The following CNTLN variants were observed in gnomAD, a reference collection of about 807,000 sequenced individuals.
CNTLN encodes the protein centlein, centrosomal protein.
A neutral mutation model predicts 180.0 loss-of-function variants in CNTLN; 212 were observed. The observed-to-expected ratio is 1.18, with a 90% CI of 1.05 to 1.32. The LOEUF (loss-of-function observed/expected upper bound fraction) is 1.32, where lower values mean the gene tolerates loss of function less well. Ranked by LOEUF, CNTLN falls within the 40% of genes most tolerant of loss-of-function variation. CNTLN has a pLI of 0.00. For missense variants in CNTLN, 2,095 were observed against 1,610.9 expected, an observed-to-expected ratio of 1.30 and a Z score of -5.14; for synonymous variants, 722 against 563.1, an observed-to-expected ratio of 1.28 and a Z score of -3.99.
chr9:17,410,625 T>C (rs1827773788), intron 16 of CNTLN, among the ~76,000 whole-genome samples: 1 of 152,192 alleles, frequency 6.6e-6, no homozygotes, highest in Non-Finnish European at 1.5e-5. Flanking sequence ...AATGTAGATA[T>C]ATCCTATGCT....
chr9:17,207,055 A>G (rs1822974566), intron 2 of CNTLN, among the ~76,000 whole-genome samples: 1 of 152,068 alleles, frequency 6.6e-6, no homozygotes, highest in Non-Finnish European at 1.5e-5. Context: ...TGAATCCGCC[A>G]CAGTCTGGTG....
intron 5 of CNTLN, among the ~76,000 whole-genome samples, chr9:17,262,848 T>C (rs1003445266): frequency 6.6e-6 from 1 of 151,374 alleles, no homozygotes; most frequent in African/African-American, 2.5e-5. Flanking sequence ...TGTGGGTTTG[T>C]CGTAGATGGC....
At chr9:17,507,784 C>T (rs77621255), downstream of CNTLN, among the ~76,000 whole-genome samples, 1,249 of 152,226 alleles carry the variant, frequency 8.2e-3, 12 homozygotes, top group African/African-American at 0.029. Flanking sequence ...GAATGGTAGA[C>T]ACTACAAACA....
chr9:17,514,795 C>A, the CNTLN span, among the ~76,000 whole-genome samples: 1 of 152,152 alleles, frequency 6.6e-6, no homozygotes, highest in South Asian at 2.1e-4. Flanking sequence ...GTTTGGCATA[C>A]AGAATTATTG....
chr9:17,156,258 C>G (rs951760408), intron 2 of CNTLN, among the ~76,000 whole-genome samples: 1 of 152,124 alleles, frequency 6.6e-6, no homozygotes, highest in Non-Finnish European at 1.5e-5. Context: ...TTTACAAATT[C>G]TGAATCCATG....
intron 8 of CNTLN, among the ~76,000 whole-genome samples, chr9:17,312,365 TA>T (rs1819220171): frequency 6.9e-4 from 5 of 7,212 alleles, no homozygotes; most frequent in Admixed American, 4.3e-3. Context: ...ATATATATAT[TA>T]TATATATATA....
chr9:17,376,055 A>T (rs1372508659), intron 13 of CNTLN, among the ~76,000 whole-genome samples: 1 of 152,152 alleles, frequency 6.6e-6, no homozygotes, highest in Non-Finnish European at 1.5e-5. Flanking sequence ...CAATGCTCGC[A>T]TTCAGGTTAC....
chr9:17,202,496 C>G (rs1822600449), intron 2 of CNTLN, among the ~76,000 whole-genome samples: 1 of 152,088 alleles, frequency 6.6e-6, no homozygotes, highest in Non-Finnish European at 1.5e-5. Flanking sequence ...TTTTATGAAT[C>G]TGGGTGTTCC....
intron 23 of CNTLN, among the ~76,000 whole-genome samples, chr9:17,471,649 A>G (rs1048503686): frequency 6.6e-6 from 1 of 152,094 alleles, no homozygotes; most frequent in Non-Finnish European, 1.5e-5. Flanking sequence ...TTCCACTGAT[A>G]TGTGTAGAGT....
chr9:17,198,304 A>C (rs1822266290), intron 2 of CNTLN, among the ~76,000 whole-genome samples: 1 of 151,220 alleles, frequency 6.6e-6, no homozygotes, highest in South Asian at 2.1e-4. Flanking sequence ...GATTGCATTG[A>C]ATCTGTAGAT....
chr9:17,258,628 T>TTTGC (rs1361126011), intron 5 of CNTLN, among the ~76,000 whole-genome samples: 1 of 149,404 alleles, frequency 6.7e-6, no homozygotes, highest in Non-Finnish European at 1.5e-5. Context: ...TGTTCTTCCA[T>TTTGC]TTGTATCCTC....
chr9:17,482,495 C>G (rs568290397), intron 23 of CNTLN, among the ~76,000 whole-genome samples: 2 of 152,250 alleles, frequency 1.3e-5, no homozygotes, highest in East Asian at 3.9e-4. Flanking sequence ...ATTAGGAAGA[C>G]TCAGCATTCC....
At chr9:17,428,775 T>C (rs182164815) in intron 18 of CNTLN, among the ~76,000 whole-genome samples, 4 of 152,180 alleles carry the variant, frequency 2.6e-5, no homozygotes, top group Non-Finnish European at 5.9e-5. Flanking sequence ...CTATGCAATG[T>C]TTCAAATAAA....
chr9:17,301,829 C>G (rs1371031221), intron 7 of CNTLN: 2 of 979,882 alleles, frequency 2.0e-6, no homozygotes, highest in Non-Finnish European at 2.4e-6. Context: ...CTCCCAGAGG[C>G]AAATACTGTG....
chr9:17,155,244 A>T (rs1053851938), intron 2 of CNTLN, among the ~76,000 whole-genome samples: 3 of 152,208 alleles, frequency 2.0e-5, no homozygotes, highest in African/African-American at 7.2e-5. Context: ...AGTCAGCGAG[A>T]CCAAGAACCC....
chr9:17,507,206 T>C (rs924905900), downstream of CNTLN, among the ~76,000 whole-genome samples: 1 of 152,186 alleles, frequency 6.6e-6, no homozygotes, highest in African/African-American at 2.4e-5. Flanking sequence ...GTGTACCCAA[T>C]GTTTATCTCC....
Position 17,240,647 on chromosome 9 carries a change from T to C in CNTLN, c.849+4059T>C, listed in dbSNP as rs377203159. Among the ~76,000 whole-genome samples, 5 of 152,282 alleles carry C rather than the reference T, an allele frequency of 3.3e-5. No individual in the cohort carries two copies. In the East Asian group the frequency reaches 9.6e-4, roughly 29 times the overall value. On this transcript the variant is annotated intron_variant, in intron 5 of 25. Transcript: ENST00000380647. ...AGAGTTGTTTGAGCTCCTTATATAT[T>C]CTGGTTATTAGTCCTTTGTCAGGTG...
intron 12 of CNTLN, among the ~76,000 whole-genome samples, chr9:17,347,924 C>T (rs556634163): frequency 2.6e-5 from 4 of 152,018 alleles, no homozygotes; most frequent in East Asian, 1.9e-4. Context: ...CCCTGCCTCC[C>T]GGGTTCAAGG....
chr9:17,328,066 A>C (rs1820419280), intron 8 of CNTLN, among the ~76,000 whole-genome samples: 1 of 152,160 alleles, frequency 6.6e-6, no homozygotes, highest in African/African-American at 2.4e-5. Context: ...TAGAAATCAC[A>C]CTGTAACATT....
Sources: allele counts gnomAD v4.1 joint callset (sites outside exome capture counted in the v4.1 genomes callset), GRCh38; gene constraint gnomAD v4.1.1; transcripts MANE v1.5; gene names NCBI Gene and HGNC (gene_info 2026-07-23, HGNC 2026-07-21).